Variants in TTC17 observed in about 807,000 individuals in gnomAD.
TTC17 encodes the protein tetratricopeptide repeat domain 17, also known as tetratricopeptide repeat protein 17.
TTC17 carries 58 observed loss-of-function variants against 143.8 expected under a neutral mutation model. The observed-to-expected ratio is 0.40, with a 90% confidence interval of 0.33 to 0.50. The LOEUF is 0.50. Ranked by LOEUF, TTC17 falls within the 20% of genes least tolerant of loss-of-function variation. The pLI is 0.49. For synonymous variants in TTC17, 501 were observed against 497.8 expected, an observed-to-expected ratio of 1.01 and a Z score of -0.09; for missense variants, 1,273 against 1,392.5, an observed-to-expected ratio of 0.91 and a Z score of 1.37.
intron 1 of TTC17, among the ~76,000 whole-genome samples, chr11:43,371,442 T>C (rs1007948212): frequency 6.6e-6 from 1 of 152,192 alleles, no homozygotes; most frequent in Non-Finnish European, 1.5e-5. Context: ...CTTACTTATG[T>C]TTACTGGTTT....
At chr11:43,438,447 A>ATGG (rs1224187699) in intron 16 of TTC17, among the ~76,000 whole-genome samples, 3 of 152,186 alleles carry the variant, frequency 2.0e-5, no homozygotes, top group Non-Finnish European at 4.4e-5. Context: ...GCCCGGCTGT[A>ATGG]TGGTGGTAAT....
At chr11:43,473,452 A>G (rs572199329) in intron 21 of TTC17, among the ~76,000 whole-genome samples, 2 of 152,330 alleles carry the variant, frequency 1.3e-5, no homozygotes, top group Admixed American at 6.5e-5. Flanking sequence ...AAAAGCTAGA[A>G]AAAGAACAAA....
chr11:43,428,305 T>TA (rs140430538), intron 16 of TTC17, among the ~76,000 whole-genome samples: 190 of 149,962 alleles, frequency 1.3e-3, no homozygotes, highest in South Asian at 6.3e-3. Flanking sequence ...AGATTTAAAT[T>TA]AAAAAAAAAA....
intron 21 of TTC17, among the ~76,000 whole-genome samples, chr11:43,489,135 G>T (rs539062604): frequency 6.6e-6 from 1 of 152,170 alleles, no homozygotes; most frequent in East Asian, 1.9e-4. Context: ...CTTCAAACTC[G>T]GGAAGCTTAT....
intron 6 of TTC17, 123 bp from the exon 7 acceptor site, chr11:43,397,224 A>G: frequency 1.8e-6 from 2 of 1,131,888 alleles, no homozygotes; most frequent in Non-Finnish European, 2.4e-6. Context: ...TAAAAATGAA[A>G]CACTATGATT....
intron 16 of TTC17, 55 bp downstream of exon 16, chr11:43,414,831 T>C: frequency 6.5e-7 from 1 of 1,542,468 alleles, no homozygotes; most frequent in Non-Finnish European, 8.8e-7. Flanking sequence ...GTTCCTCTTC[T>C]GATCAAAAGA....
intron 15 of TTC17, among the ~76,000 whole-genome samples, chr11:43,409,877 T>C (rs1308077720): frequency 1.3e-5 from 2 of 151,914 alleles, no homozygotes; most frequent in Non-Finnish European, 2.9e-5. Context: ...AATCTTGCTC[T>C]GTCACCCAGG....
intron 21 of TTC17, among the ~76,000 whole-genome samples, chr11:43,477,955 G>C (rs1948215450): frequency 6.6e-6 from 1 of 152,096 alleles, no homozygotes; most frequent in Non-Finnish European, 1.5e-5. Flanking sequence ...ATCACTTGCT[G>C]CTAACATCTG....
intron 16 of TTC17, among the ~76,000 whole-genome samples, chr11:43,426,383 T>C (rs1947028011): frequency 6.6e-6 from 1 of 152,246 alleles, no homozygotes; most frequent in South Asian, 2.1e-4. Flanking sequence ...AAATACATAA[T>C]ATCATCATGT....
chr11:43,464,121 CA>C (rs763018502), intron 21 of TTC17, among the ~76,000 whole-genome samples: 1 of 150,476 alleles, frequency 6.6e-6, no homozygotes, highest in Non-Finnish European at 1.5e-5. Flanking sequence ...ACTAAAAATA[CA>C]AAAAAAAATT....
intron 21 of TTC17, among the ~76,000 whole-genome samples, chr11:43,482,857 G>T (rs1409221728): frequency 6.6e-6 from 1 of 151,946 alleles, no homozygotes; most frequent in Non-Finnish European, 1.5e-5. Flanking sequence ...TCTGTTACTA[G>T]ATGTAGAAAT....
chr11:43,428,804 G>A (rs998751014), intron 16 of TTC17, among the ~76,000 whole-genome samples: 1 of 152,170 alleles, frequency 6.6e-6, no homozygotes, highest in Non-Finnish European at 1.5e-5. Context: ...TCATATTTGG[G>A]AATCACATAC....
At chr11:43,397,546 T>TC in intron 7 of TTC17, 55 bp downstream of exon 7, 2 of 1,483,534 alleles carry the variant, frequency 1.3e-6, no homozygotes, top group Middle Eastern at 1.8e-4. Flanking sequence ...TCTTTTTTTT[T>TC]TTTTTTTCTC....
chr11:43,465,858 G>A (rs545655864), intron 21 of TTC17, among the ~76,000 whole-genome samples: 4 of 143,082 alleles, frequency 2.8e-5, no homozygotes, highest in Non-Finnish European at 5.9e-5. Context: ...GAGGAAAAAA[G>A]CATTAAGACA....
At chr11:43,447,911 C>T (rs1947579440) in intron 18 of TTC17, 91 bp from the exon 19 acceptor site, 3 of 1,505,342 alleles carry the variant, frequency 2.0e-6, no homozygotes, top group African/African-American at 1.4e-5. Flanking sequence ...TCCAAATACA[C>T]CAATCCAGGT....
chr11:43,396,527 GC>G (rs1857598785), intron 5 of TTC17, 181 bp from the exon 6 acceptor site: 3 of 385,060 alleles, frequency 7.8e-6, no homozygotes, highest in Non-Finnish European at 1.4e-5. Flanking sequence ...TGATTAGAAT[GC>G]TCTTCTGACA....
intron 23 of TTC17, among the ~76,000 whole-genome samples, chr11:43,492,414 G>A (rs1229224359): frequency 1.3e-5 from 2 of 152,136 alleles, no homozygotes; most frequent in East Asian, 3.8e-4. Flanking sequence ...AGCAGAGTCA[G>A]ATTTACCTAC....
chr11:43,407,951 T>C (rs1307235109), intron 15 of TTC17, among the ~76,000 whole-genome samples: 4 of 152,234 alleles, frequency 2.6e-5, no homozygotes, highest in Non-Finnish European at 5.9e-5. Context: ...AACTTTAATT[T>C]ATAGAAATAT....
chr11:43,414,789 C>T lies in TTC17; in HGVS notation c.2251+13C>T, dbSNP rs540043616. 3 of 1,607,344 alleles carry T rather than the reference C, an allele frequency of 1.9e-6. No homozygotes were observed. The East Asian group carries it at 6.7e-5, about 36-fold the overall frequency. On this transcript the variant is annotated intron_variant, in intron 16 of 23. Coordinates refer to ENST00000039989, the MANE Select transcript of TTC17 (RefSeq NM_018259.6). Reference sequence around the variant, plus strand: ...TCTGTTTGCAGTGGTAAGCAGCTTTCAAATGCTGACAAACTAATGAGCTCA... The same window carrying T: ...TCTGTTTGCAGTGGTAAGCAGCTTTTAAATGCTGACAAACTAATGAGCTCA...
Sources: gnomAD v4.1 joint callset for allele counts (sites outside exome capture counted in the v4.1 genomes callset) on GRCh38, gnomAD v4.1.1 for gene constraint, MANE v1.5 for transcripts, NCBI Gene and HGNC (gene_info 2026-07-23, HGNC 2026-07-21) for gene names.